MORC2: variants seen among roughly 807,000 people sequenced by gnomAD.
MORC2 encodes the protein ATPase MORC2.
Under a neutral mutation model 136.0 loss-of-function variants are expected in MORC2, and 30 were observed. That is an observed-to-expected ratio of 0.22 (90% CI 0.17 to 0.30). The LOEUF (loss-of-function observed/expected upper bound fraction) is 0.30. MORC2 is among the 10% of genes least tolerant of loss of function. MORC2 has a pLI of 1.00. For synonymous variants in MORC2, 439 were observed against 487.0 expected (o/e 0.90, Z 1.30); for missense variants, 922 against 1,333.1 (o/e 0.69, Z 4.80).
At position 30,956,344 on chromosome 22, in the gene MORC2, A is replaced by T. The variant is rs139464298; in HGVS notation, c.157+419T>A. ...CTATTTTCCGCAACCGATACCAGCA[A>T]TTCTCCAAGTTGAGACTAGTGCTCA... On this transcript the variant is annotated intron_variant, in intron 3 of 25. Coordinates refer to ENST00000397641, the MANE Select transcript of MORC2 (RefSeq NM_001303256.3). Among the ~76,000 whole-genome samples, 80 of 152,306 alleles carry T rather than the reference A, an allele frequency of 5.3e-4. 1 individual carries two copies. The Middle Eastern group carries it at 0.014, about 26-fold the overall frequency.
chr22:30,955,310 T>A (rs1387312575), intron 3 of MORC2, among the ~76,000 whole-genome samples: 1 of 152,178 alleles, frequency 6.6e-6, no homozygotes, highest in Non-Finnish European at 1.5e-5. Flanking sequence ...TGTGTGCCCC[T>A]ATTTCCTGTT....
In MORC2 at chr22:30,932,729, G is replaced by A. The variant is rs369585779; in HGVS notation, c.2563C>T (p.Pro855Ser). 4 of 1,614,068 alleles carry A rather than the reference G, an allele frequency of 2.5e-6. No homozygotes were observed. In the African/African-American group the frequency reaches 5.3e-5, roughly 22 times the overall value. Reference protein sequence around the residue: ...GSEDVRLMKPPSPEHQSLDTQ... With the variant: ...GSEDVRLMKPSSPEHQSLDTQ... The stretch of plus-strand genomic sequence containing the variant: ...TCAAGGCTCTGATGTTCCGGAGAAG[G>A]GGGTTTCATCAGCCGCACATCCTCA... Residue 855 changes from proline (P) to serine (S), a missense_variant, in exon 23 of 26, where the codon CCT becomes TCT. Physicochemically the swap from Pro to Ser is moderately conservative, Grantham distance 74. This residue lies in a region of MORC2 where 263 missense variants were observed against 388.3 expected (regional missense o/e 0.68). Coordinates refer to ENST00000397641, the MANE Select transcript of MORC2 (RefSeq NM_001303256.3). This position sits in a 1 kb window ranked among gnomAD's most constrained non-coding sequence, Gnocchi z 4.4.
At chr22:30,929,396 G>A (rs186918696) in intron 24 of MORC2, among the ~76,000 whole-genome samples, 6 of 152,260 alleles carry the variant, frequency 3.9e-5, no homozygotes, top group Non-Finnish European at 4.4e-5. Context: ...TATAAAGGAC[G>A]TAACTGACAA....
At position 30,937,984 on chromosome 22, in the gene MORC2, A is replaced by G. The variant is rs752779541; in HGVS notation, c.1215-15T>C. 2 of 1,614,082 alleles carry G rather than the reference A, an allele frequency of 1.2e-6. No homozygotes were observed. Among genetic ancestry groups the G allele is most frequent in the Non-Finnish European group, 1.7e-6 (2 of 1,179,998 alleles). On this transcript the variant is annotated splice_polypyrimidine_tract_variant and intron_variant, in intron 13 of 25. Transcript: ENST00000397641. The surrounding 1 kb of genome is among the most constrained non-coding windows in gnomAD (Gnocchi z 4.7). ...CGCCACATGCCCTACAGGGAGAAAG[A>G]GAACAAGCTCTGTCACCCCACTGGC...
At chr22:30,936,378 A>C in intron 17 of MORC2, 133 bp downstream of exon 17, 1 of 1,263,456 alleles carries the variant, frequency 7.9e-7, no homozygotes, top group Non-Finnish European at 1.1e-6. Flanking sequence ...TGGGGTTGGA[A>C]AGCTTTGGCA....
chr22:30,940,040 A>C lies in MORC2; in HGVS notation c.906T>G (p.Ala302=), dbSNP rs1256188106. 1 of 1,613,360 alleles carries C rather than the reference A, an allele frequency of 6.2e-7. No homozygotes were observed. Among genetic ancestry groups the C allele is most frequent in the Non-Finnish European group, 8.5e-7 (1 of 1,179,970 alleles). Reference sequence around the variant, plus strand: ...TCTCTGCCTCCCGCGCCTTCTCTTCAGCTGAAACCCAGAAGAGAACATGGT... The same window carrying C: ...TCTCTGCCTCCCGCGCCTTCTCTTCCGCTGAAACCCAGAAGAGAACATGGT... ...VKKAEHVARI[A]EEKAREAESK... is the part of the protein sequence containing the mutation. Residue 302 remains alanine (A), a splice_region_variant and synonymous_variant, in exon 11 of 26, where the codon GCT becomes GCG. Coordinates refer to ENST00000397641, the MANE Select transcript of MORC2 (RefSeq NM_001303256.3).
chr22:30,966,650 T>C (rs2041132926), intron 1 of MORC2, among the ~76,000 whole-genome samples: 1 of 152,090 alleles, frequency 6.6e-6, no homozygotes, highest in African/African-American at 2.4e-5. Flanking sequence ...TGGTGGTGCA[T>C]GCCTGTAGTC....
At chr22:30,940,573 AAAG>A (rs2040728331) in intron 10 of MORC2, among the ~76,000 whole-genome samples, 182 bp downstream of exon 10, 1 of 152,206 alleles carries the variant, frequency 6.6e-6, no homozygotes, top group Non-Finnish European at 1.5e-5. Flanking sequence ...TGGAGTGTAG[AAAG>A]AAGAAATGCT....
In MORC2 at chr22:30,950,374, T is replaced by C; in HGVS notation, c.226+3A>G. 1 of 979,726 alleles carries C rather than the reference T, an allele frequency of 1.0e-6. No individual in the cohort carries two copies. Among genetic ancestry groups the C allele is most frequent in the South Asian group, 1.3e-5 (1 of 78,626 alleles). 60.7% of individuals were successfully genotyped at this position (979,726 alleles called of 1,614,324 possible). Reference sequence around the variant, plus strand: ...CCCCCAAAACAATAATCTCATCACTTACTTGGATCCATTCCTGCTCCATCA... The same window carrying C: ...CCCCCAAAACAATAATCTCATCACTCACTTGGATCCATTCCTGCTCCATCA... On this transcript the variant is annotated splice_donor_region_variant and intron_variant, in intron 4 of 25. Transcript: ENST00000397641.
chr22:30,932,767 A>C lies in MORC2; in HGVS notation c.2525T>G (p.Val842Gly). ...PTDTTPRDRWVEKGSEDVRLM... is the reference protein window; with the variant it reads ...PTDTTPRDRWGEKGSEDVRLM... ...CCGCACATCCTCACTGCCTTTCTCC[A>C]CCCTGTGGAAGACACACAGCTTATG... Residue 842 changes from valine to glycine, a missense_variant and splice_region_variant, in exon 23 of 26, where the codon GTG becomes GGG. Coordinates refer to ENST00000397641, the MANE Select transcript of MORC2 (RefSeq NM_001303256.3). This position sits in a 1 kb window ranked among gnomAD's most constrained non-coding sequence, Gnocchi z 4.4. The C allele has an allele frequency of 6.2e-7, 1 of 1,614,046 alleles. No individual in the cohort carries two copies. Among genetic ancestry groups the C allele is most frequent in the Non-Finnish European group, 8.5e-7 (1 of 1,179,978 alleles).
Position 30,938,149 on chromosome 22 carries a change from C to T in MORC2, c.1130G>A (p.Arg377Gln), listed in dbSNP as rs1313283174. ...NFVFGVNIEH[R>Q]DLDGMFIYNC... The stretch of plus-strand genomic sequence containing the variant: ...GTAGATGAACATGCCATCCAGATCC[C>T]GGTGTTCAATGTTGACACCAAAAAC... Residue 377 changes from arginine (R) to glutamine (Q), a missense_variant, in exon 13 of 26, where the codon CGG (arginine) becomes CAG (glutamine). By Grantham distance (43) the Arg-to-Gln change is conservative. Coordinates refer to ENST00000397641, the MANE Select transcript of MORC2 (RefSeq NM_001303256.3). 1 of 1,613,946 alleles carries T rather than the reference C, an allele frequency of 6.2e-7. No individual in the cohort carries two copies. The highest frequency in any genetic ancestry group is 8.5e-7 in the Non-Finnish European group (1 of 1,180,014).
intron 16 of MORC2, 41 bp from the exon 17 acceptor site, chr22:30,936,684 C>T (rs367869416): frequency 2.7e-5 from 44 of 1,600,684 alleles, no homozygotes; most frequent in Admixed American, 5.2e-5. Context: ...GCAAACAGAG[C>T]GCCAAGCTCG....
chr22:30,950,368 A>G lies in MORC2; in HGVS notation c.226+9T>C. ...CCCCACCCCCCAAAACAATAATCTC[A>G]TCACTTACTTGGATCCATTCCTGCT... On this transcript the variant is annotated intron_variant, in intron 4 of 25. Coordinates refer to ENST00000397641, the MANE Select transcript of MORC2 (RefSeq NM_001303256.3). 6.4e-7 allele frequency: 1 copy of G among 1,552,036 alleles called. No homozygotes were observed. The highest frequency in any genetic ancestry group is 8.8e-7 in the Non-Finnish European group (1 of 1,141,190).
Position 30,935,102 on chromosome 22 carries a change from G to A in MORC2, c.1872C>T (p.Asn624=), listed in dbSNP as rs199783160. 9.3e-6 allele frequency: 15 copies of A among 1,613,712 alleles called. No homozygotes were observed. Among genetic ancestry groups the A allele is most frequent in the East Asian group, 4.5e-5 (2 of 44,880 alleles). ...RSPPLPAVIR[N]APSRPPSLPT... ...GCAAAGAAGGGGGTCTGCTGGGGGC[G>A]TTCCTGATCACAGCAGGTAAAGGGG... Residue 624 remains asparagine, a synonymous_variant, in exon 19 of 26, where the codon AAC becomes AAT. Coordinates refer to ENST00000397641, the MANE Select transcript of MORC2 (RefSeq NM_001303256.3).
Position 30,935,117 on chromosome 22 carries a change from A to G in MORC2, c.1857T>C (p.Pro619=). The change falls in exon 19 of 26, where the codon CCT becomes CCC. Residue 619 remains proline (P), a synonymous_variant. Coordinates refer to ENST00000397641, the MANE Select transcript of MORC2 (RefSeq NM_001303256.3). ...RPQRPRSPPL[P]AVIRNAPSRP... ...TGCTGGGGGCGTTCCTGATCACAGC[A>G]GGTAAAGGGGGCGACCGAGGACGCT... is the stretch of plus-strand genomic sequence containing the variant. The G allele has an allele frequency of 1.2e-6, 2 of 1,613,828 alleles. No homozygotes were observed. The highest frequency in any genetic ancestry group is 1.7e-6 in the Non-Finnish European group (2 of 1,179,894).
chr22:30,955,920 T>G (rs144143941), intron 3 of MORC2, among the ~76,000 whole-genome samples: 1 of 151,206 alleles, frequency 6.6e-6, no homozygotes, highest in Admixed American at 6.6e-5. Context: ...TGAGGCAGAA[T>G]TGCTTGAACC....
Position 30,932,115 on chromosome 22 carries a change from C to T in MORC2, c.2841+244G>A. ...CCCTAAGGGATGACTCAACTCCTAG[C>T]ACCTGTGGTGGGAAGGGGTTGGCTT... On this transcript the variant is annotated intron_variant, in intron 24 of 25. Coordinates refer to ENST00000397641, the MANE Select transcript of MORC2 (RefSeq NM_001303256.3). This position sits in a 1 kb window ranked among gnomAD's most constrained non-coding sequence, Gnocchi z 4.4. 2.2e-6 allele frequency: 1 copy of T among 460,656 alleles called. No individual in the cohort carries two copies. Among genetic ancestry groups the T allele is most frequent in the Admixed American group, 3.8e-5 (1 of 26,230 alleles). The allele number at this position is 460,656 out of a possible 1,614,324, so 28.5% of individuals were successfully genotyped here.
intron 3 of MORC2, among the ~76,000 whole-genome samples, chr22:30,952,336 G>A (rs1227455839): frequency 6.6e-6 from 1 of 152,198 alleles, no homozygotes; most frequent in Non-Finnish European, 1.5e-5. Context: ...TTCAAGCCAA[G>A]CACCTCTGAA....
chr22:30,950,795 C>G lies in MORC2; in HGVS notation c.158-350G>C, dbSNP rs1340856370. Reference sequence around the variant, plus strand: ...CACCTGGATTACTATCACTTCTGCCCTATGCCATAGACCCCAAGCACTAAA... The same window carrying G: ...CACCTGGATTACTATCACTTCTGCCGTATGCCATAGACCCCAAGCACTAAA... On this transcript the variant is annotated intron_variant, in intron 3 of 25. Transcript: ENST00000397641. 1.3e-5 allele frequency among the ~76,000 whole-genome samples: 2 copies of G among 152,220 alleles called. 1 individual carries two copies. Among genetic ancestry groups the G allele is most frequent in the African/African-American group, 4.8e-5 (2 of 41,454 alleles).
Sources: allele counts gnomAD v4.1 joint callset (sites outside exome capture counted in the v4.1 genomes callset), GRCh38; gene constraint gnomAD v4.1.1; regional missense constraint gnomAD v4.1.1; non-coding constraint Gnocchi (gnomAD v3.1); transcripts MANE v1.5; gene names NCBI Gene and HGNC (gene_info 2026-07-23, HGNC 2026-07-21).